DOCK1: variants seen among roughly 807,000 people sequenced by gnomAD.
DOCK1 encodes the protein dedicator of cytokinesis 1, also known as dedicator of cytokinesis protein 1.
In DOCK1, 138 loss-of-function variants were observed where a neutral mutation model predicts 262.7. The ratio of observed to expected loss-of-function variants is 0.53; its 90% CI spans 0.46 to 0.61. DOCK1 has a LOEUF of 0.61. Ranked by LOEUF, DOCK1 falls within the 20% of genes least tolerant of loss-of-function variation. The pLI is 0.00. For missense variants in DOCK1, 1,908 were observed against 2,370.7 expected (o/e 0.80, Z 4.05); for synonymous variants, 866 against 867.4 (o/e 1.00, Z 0.03).
intron 29 of DOCK1, among the ~76,000 whole-genome samples, chr10:127,298,871 C>T (rs1405682462): frequency 6.6e-6 from 1 of 152,050 alleles, no homozygotes; most frequent in Non-Finnish European, 1.5e-5. Flanking sequence ...GAGAACCCAC[C>T]CAGGTGTCCT....
At chr10:126,907,122 A>G (rs2031010846) in intron 1 of DOCK1, among the ~76,000 whole-genome samples, 3 of 75,404 alleles carry the variant, frequency 4.0e-5, no homozygotes, top group East Asian at 4.1e-4. Context: ...TTCAGTCTGC[A>G]TCAGAGGCGA....
At position 127,175,181 on chromosome 10, in the gene DOCK1, A is replaced by T; in HGVS notation, c.2847+47417A>T. 6.4e-7 allele frequency: 1 copy of T among 1,561,726 alleles called. No individual in the cohort carries two copies. The highest frequency in any genetic ancestry group is 1.7e-5 in the Admixed American group (1 of 58,036). Reference sequence around the variant, plus strand: ...GGACTCTGTGGTGATCAGCCTGCATAGCTTCCTAAGACATGGGTGAACATA... The same window carrying T: ...GGACTCTGTGGTGATCAGCCTGCATTGCTTCCTAAGACATGGGTGAACATA... On this transcript the variant is annotated intron_variant, in intron 27 of 51. Coordinates refer to ENST00000623213, the MANE Select transcript of DOCK1 (RefSeq NM_001290223.2). The surrounding 1 kb of genome is among the most constrained non-coding windows in gnomAD (Gnocchi z 6.3).
chr10:127,024,626 T>C (rs755973384), intron 14 of DOCK1, 59 bp from the exon 15 acceptor site: 76 of 1,408,272 alleles, frequency 5.4e-5, no homozygotes, highest in Non-Finnish European at 7.2e-5. Flanking sequence ...TAGTGGGAGA[T>C]GTATATGGTG....
intron 29 of DOCK1, among the ~76,000 whole-genome samples, chr10:127,295,592 G>A (rs550572948): frequency 9.2e-5 from 14 of 152,136 alleles, no homozygotes; most frequent in African/African-American, 3.1e-4. Flanking sequence ...GGGCTGAGGC[G>A]AGAAGATTGT....
chr10:126,950,713 G>C (rs1312202760), intron 1 of DOCK1, among the ~76,000 whole-genome samples: 2 of 152,112 alleles, frequency 1.3e-5, no homozygotes, highest in Non-Finnish European at 2.9e-5. Flanking sequence ...CCTGCTCTTT[G>C]CCTCAGAGTC....
chr10:127,329,802 A>G (rs2062898689), intron 29 of DOCK1, among the ~76,000 whole-genome samples: 1 of 152,182 alleles, frequency 6.6e-6, no homozygotes, highest in African/African-American at 2.4e-5. Flanking sequence ...GTAGAGGCGA[A>G]TAAGAAGGAC....
At chr10:127,342,500 A>T (rs1300993252) in intron 30 of DOCK1, among the ~76,000 whole-genome samples, 1 of 152,154 alleles carries the variant, frequency 6.6e-6, no homozygotes, top group Non-Finnish European at 1.5e-5. Context: ...TTCTGTGGTG[A>T]TCAAATGAGC....
intron 29 of DOCK1, among the ~76,000 whole-genome samples, chr10:127,298,880 C>CTGGGG (rs1166011247): frequency 4.6e-5 from 7 of 152,054 alleles, no homozygotes; most frequent in Admixed American, 3.9e-4. Flanking sequence ...CCCAGGTGTC[C>CTGGGG]TGGGGATTGT....
At chr10:127,134,314 CTG>C (rs879411365) in intron 27 of DOCK1, among the ~76,000 whole-genome samples, 2 of 152,180 alleles carry the variant, frequency 1.3e-5, no homozygotes, top group African/African-American at 2.4e-5. Context: ...TGGGCCATGA[CTG>C]TGACACCATT....
At chr10:127,267,275 T>A (rs867234137) in intron 29 of DOCK1, among the ~76,000 whole-genome samples, 31 of 152,336 alleles carry the variant, frequency 2.0e-4, no homozygotes, top group African/African-American at 7.0e-4. Context: ...CTGTTCGAGT[T>A]CTGTTCATTC....
chr10:126,987,430 C>A, intron 4 of DOCK1, 91 bp from the exon 5 acceptor site: 1 of 1,003,512 alleles, frequency 1.0e-6, no homozygotes, highest in Non-Finnish European at 1.5e-6. Flanking sequence ...TAATACTGAA[C>A]GCTATGGCCT....
chr10:127,440,543 G>A (rs1357799734), intron 49 of DOCK1, among the ~76,000 whole-genome samples: 1 of 152,192 alleles, frequency 6.6e-6, no homozygotes, highest in Admixed American at 6.5e-5. Flanking sequence ...GTGTCTGCTT[G>A]TCTCAGCCCT....
chr10:127,144,597 A>G (rs1277486416), intron 27 of DOCK1, among the ~76,000 whole-genome samples: 1 of 152,228 alleles, frequency 6.6e-6, no homozygotes, highest in African/African-American at 2.4e-5. Flanking sequence ...GTTTTCATTT[A>G]AAATTTATAC....
intron 27 of DOCK1, among the ~76,000 whole-genome samples, chr10:127,183,572 C>T (rs1250132951): frequency 6.6e-5 from 10 of 152,174 alleles, no homozygotes; most frequent in South Asian, 4.1e-4. Context: ...TCCATGTACA[C>T]AATCCTAACC....
chr10:127,443,084 C>G (rs2070294563), intron 49 of DOCK1, among the ~76,000 whole-genome samples: 1 of 152,068 alleles, frequency 6.6e-6, no homozygotes, highest in South Asian at 2.1e-4. Context: ...TGCCTCTCTC[C>G]TCCTGTCTGG....
chr10:126,949,682 A>G (rs1192296044), intron 1 of DOCK1, among the ~76,000 whole-genome samples: 1 of 152,192 alleles, frequency 6.6e-6, no homozygotes, highest in African/African-American at 2.4e-5. Flanking sequence ...TGATGCAGGA[A>G]GGATCTGGAG....
intron 27 of DOCK1, among the ~76,000 whole-genome samples, chr10:127,194,358 G>C (rs2056953335): frequency 6.6e-6 from 1 of 152,172 alleles, no homozygotes; most frequent in Non-Finnish European, 1.5e-5. Flanking sequence ...CAGATGGCAG[G>C]ACTTCCATTT....
chr10:127,036,981 GAAAAA>G lies in DOCK1; in HGVS notation c.1913-726_1913-722del, dbSNP rs11429952. Among the ~76,000 whole-genome samples the G allele has an allele frequency of 5.5e-3, 702 of 128,022 alleles. 1 individual carries two copies. Among genetic ancestry groups the G allele is most frequent in the African/African-American group, 8.9e-3 (312 of 35,082 alleles). 84.0% of individuals were successfully genotyped at this position (128,022 alleles called of 152,430 possible). A position where few individuals can be genotyped will look rare whatever the true frequency, so the allele number is the denominator to read the frequency against. On this transcript the variant is annotated intron_variant, in intron 18 of 51. Transcript: ENST00000623213. ...AGCAAGAGCGAAACGCCATCTCAAGGAAAAAAAAAAAAAAAAGAAAAAGAATATCT... is the reference window on the plus strand; with the variant it reads ...AGCAAGAGCGAAACGCCATCTCAAGGAAAAAAAAAAAGAAAAAGAATATCT...
At chr10:127,448,715 G>A (rs2070756738) in intron 51 of DOCK1, among the ~76,000 whole-genome samples, 1 of 151,974 alleles carries the variant, frequency 6.6e-6, no homozygotes, top group Non-Finnish European at 1.5e-5. Flanking sequence ...CCTTAGTGAA[G>A]TAATTATATG....
Sources: allele counts gnomAD v4.1 joint callset (sites outside exome capture counted in the v4.1 genomes callset), GRCh38; gene constraint gnomAD v4.1.1; non-coding constraint Gnocchi (gnomAD v3.1); transcripts MANE v1.5; gene names NCBI Gene and HGNC (gene_info 2026-07-23, HGNC 2026-07-21).